The following CCDC85A variants were observed in gnomAD, a reference collection of about 807,000 sequenced individuals.
CCDC85A encodes the protein coiled-coil domain-containing protein 85A.
In CCDC85A, 38 loss-of-function variants were observed where a neutral mutation model predicts 50.2. The observed-to-expected ratio is 0.76, with a 90% confidence interval of 0.58 to 0.99. The LOEUF (loss-of-function observed/expected upper bound fraction) is 0.99. Among genes scored for constraint, CCDC85A ranks in the 50% least tolerant of loss-of-function variants. CCDC85A has a pLI of 0.00. For synonymous variants in CCDC85A, 366 were observed against 301.4 expected, an observed-to-expected ratio of 1.21 and a Z score of -2.22; for missense variants, 820 against 742.0, an observed-to-expected ratio of 1.11 and a Z score of -1.22.
At chr2:56,322,026 A>T (rs550718255) in intron 2 of CCDC85A, among the ~76,000 whole-genome samples, 66 of 152,322 alleles carry the variant, frequency 4.3e-4, no homozygotes, top group African/African-American at 1.5e-3. Context: ...AAACCTGACA[A>T]AAACAAGAAA....
intron 2 of CCDC85A, among the ~76,000 whole-genome samples, chr2:56,315,775 A>C (rs961334807): frequency 6.6e-6 from 1 of 152,134 alleles, no homozygotes; most frequent in Non-Finnish European, 1.5e-5. Flanking sequence ...AGATGGATGA[A>C]TGCACACAAG....
chr2:56,323,743 A>C (rs929711522), intron 2 of CCDC85A, among the ~76,000 whole-genome samples: 2 of 152,078 alleles, frequency 1.3e-5, no homozygotes, highest in Admixed American at 6.6e-5. Flanking sequence ...CTTCAGACTT[A>C]TTATGTGTAC....
rs1384198621 is a variant in CCDC85A, at chr2:56,192,890, C to T, written c.690C>T (p.Ser230=). The change falls in exon 2 of 6, where the codon AGC becomes AGT. Residue 230 remains serine, a synonymous_variant. Transcript: ENST00000407595. This position sits in a 1 kb window ranked among gnomAD's most constrained non-coding sequence, Gnocchi z 4.7. ...DSPDHHKHHA[S]SGSPEHLQKP... is the part of the protein sequence containing the mutation. ...CGGACCACCACAAGCACCACGCGAG[C>T]AGTGGCAGCCCGGAGCACCTGCAGA... The T allele has an allele frequency of 6.2e-7, 1 of 1,612,984 alleles. No individual in the cohort carries two copies. Among genetic ancestry groups the T allele is most frequent in the Admixed American group, 1.7e-5 (1 of 59,986 alleles).
intron 2 of CCDC85A, among the ~76,000 whole-genome samples, chr2:56,296,663 C>T (rs1335229778): frequency 6.6e-6 from 1 of 152,128 alleles, no homozygotes; most frequent in Non-Finnish European, 1.5e-5. Context: ...TAGGACAGAA[C>T]ACCTGGGTTG....
intron 2 of CCDC85A, among the ~76,000 whole-genome samples, chr2:56,247,955 C>A (rs569781545): frequency 6.6e-6 from 1 of 152,312 alleles, no homozygotes; most frequent in African/African-American, 2.4e-5. Context: ...AGAGTGCTAT[C>A]AAAATGCTCC....
chr2:56,342,599 A>G (rs551987261), intron 2 of CCDC85A, among the ~76,000 whole-genome samples: 3 of 152,328 alleles, frequency 2.0e-5, no homozygotes, highest in African/African-American at 7.2e-5. Flanking sequence ...AGAGTTCTGT[A>G]TAGAATCTTA....
intron 1 of CCDC85A, among the ~76,000 whole-genome samples, chr2:56,186,515 G>C (rs1173160645): frequency 6.6e-6 from 1 of 152,218 alleles, no homozygotes; most frequent in Admixed American, 6.5e-5. Context: ...ATCTATGGCT[G>C]TGTGTCCCCA....
At chr2:56,316,872 T>C (rs990800576) in intron 2 of CCDC85A, among the ~76,000 whole-genome samples, 3 of 152,156 alleles carry the variant, frequency 2.0e-5, no homozygotes, top group African/African-American at 7.2e-5. Context: ...TTTATTAAAT[T>C]GAAAGTATTA....
intron 2 of CCDC85A, among the ~76,000 whole-genome samples, chr2:56,278,908 G>T (rs187466661): frequency 1.3e-5 from 2 of 152,266 alleles, no homozygotes; most frequent in East Asian, 3.9e-4. Context: ...TTTCTTCCAG[G>T]TTACTTTCTC....
intron 2 of CCDC85A, among the ~76,000 whole-genome samples, chr2:56,237,863 A>G (rs1182033252): frequency 1.3e-5 from 2 of 152,088 alleles, no homozygotes; most frequent in African/African-American, 2.4e-5. Context: ...GGAATGGTCT[A>G]ATAGGGATTG....
chr2:56,304,785 A>G (rs1672358221), intron 2 of CCDC85A, among the ~76,000 whole-genome samples: 1 of 152,060 alleles, frequency 6.6e-6, no homozygotes, highest in African/African-American at 2.4e-5. Flanking sequence ...GCAGCGGCTC[A>G]CACCTGCAAT....
At chr2:56,274,994 A>G (rs1473478880) in intron 2 of CCDC85A, among the ~76,000 whole-genome samples, 1 of 152,168 alleles carries the variant, frequency 6.6e-6, no homozygotes, top group Non-Finnish European at 1.5e-5. Context: ...TTATAAGGAC[A>G]CTAATTTCAT....
chr2:56,303,588 G>A (rs989664422), intron 2 of CCDC85A, among the ~76,000 whole-genome samples: 2 of 152,244 alleles, frequency 1.3e-5, no homozygotes, highest in African/African-American at 4.8e-5. Context: ...TAATTGCTGT[G>A]AGTGGAAGAC....
intron 2 of CCDC85A, among the ~76,000 whole-genome samples, chr2:56,340,963 C>T (rs926255494): frequency 6.7e-6 from 1 of 149,242 alleles, no homozygotes; most frequent in Admixed American, 6.7e-5. Flanking sequence ...AGGTGGGTGA[C>T]TTGAGAGATC....
chr2:56,313,596 C>T (rs1229243715), intron 2 of CCDC85A, among the ~76,000 whole-genome samples: 1 of 152,156 alleles, frequency 6.6e-6, no homozygotes, highest in African/African-American at 2.4e-5. Context: ...GCCCTGTATA[C>T]TCAGTTTTGC....
chr2:56,370,548 TTAA>T (rs1381689140), intron 3 of CCDC85A, among the ~76,000 whole-genome samples: 13 of 152,060 alleles, frequency 8.5e-5, no homozygotes, highest in Admixed American at 8.5e-4. Flanking sequence ...CCTTATGAGA[TTAA>T]TAATACTATA....
At chr2:56,249,145 G>T (rs184464058) in intron 2 of CCDC85A, among the ~76,000 whole-genome samples, 123 of 152,308 alleles carry the variant, frequency 8.1e-4, no homozygotes, top group Non-Finnish European at 1.6e-3. Context: ...GGAAGCTAGC[G>T]GTCTGGACAA....
intron 2 of CCDC85A, among the ~76,000 whole-genome samples, chr2:56,224,027 A>G (rs952268533): frequency 6.6e-6 from 1 of 152,178 alleles, no homozygotes; most frequent in African/African-American, 2.4e-5. Context: ...GTATATTCAG[A>G]GTTGTACAAC....
At chr2:56,276,263 T>C (rs895053032) in intron 2 of CCDC85A, among the ~76,000 whole-genome samples, 2 of 152,204 alleles carry the variant, frequency 1.3e-5, no homozygotes, top group African/African-American at 4.8e-5. Flanking sequence ...AAACATATTT[T>C]TGAGTGCTTT....
Sources: allele counts gnomAD v4.1 joint callset (sites outside exome capture counted in the v4.1 genomes callset), GRCh38; gene constraint gnomAD v4.1.1; non-coding constraint Gnocchi (gnomAD v3.1); transcripts MANE v1.5; gene names NCBI Gene and HGNC (gene_info 2026-07-23, HGNC 2026-07-21).